The following MET variants were observed in gnomAD, a reference collection of about 807,000 sequenced individuals.
MET encodes hepatocyte growth factor receptor.
A neutral mutation model predicts 133.1 loss-of-function variants in MET; 48 were observed. The observed-to-expected ratio is 0.36, with a 90% CI of 0.29 to 0.46. The LOEUF is 0.46. Ranked by LOEUF, MET falls within the 20% of genes least tolerant of loss-of-function variation. The pLI is 1.00. For synonymous variants in MET, 628 were observed against 616.5 expected (o/e 1.02, Z -0.28); for missense variants, 1,442 against 1,695.9 (o/e 0.85, Z 2.63).
rs531681160 is a variant in MET at position 116,793,646 on chromosome 7, C to T, written c.3799-2009C>T. 1.4e-3 allele frequency among the ~76,000 whole-genome samples: 215 copies of T among 152,050 alleles called. 2 individuals carry two copies. The highest frequency in any genetic ancestry group is 4.9e-3 in the African/African-American group (205 of 41,486). ...AGGCGCCGTGGCTCATGCCTGTAAT[C>T]CCAGCACTTTGGGAGGCCAAGGAGG... On this transcript the variant is annotated intron_variant, in intron 19 of 20. Coordinates refer to ENST00000397752, the MANE Select transcript of MET (RefSeq NM_000245.4).
intron 1 of MET, among the ~76,000 whole-genome samples, chr7:116,676,187 A>G (rs796941186): frequency 6.6e-5 from 10 of 152,352 alleles, no homozygotes; most frequent in African/African-American, 2.4e-4. Context: ...GTGTGCAAGT[A>G]TGTTTATGTA....
intron 2 of MET, among the ~76,000 whole-genome samples, chr7:116,705,154 T>C (rs943260373): frequency 9.2e-5 from 14 of 152,114 alleles, no homozygotes; most frequent in African/African-American, 3.1e-4. Context: ...GATGTTTCTT[T>C]ATTATGATTA....
chr7:116,699,754 G>T lies in MET; in HGVS notation c.670G>T (p.Asp224Tyr), dbSNP rs765257726. The change falls in exon 2 of 21, where the codon GAT becomes TAT. Residue 224 changes from aspartate to tyrosine, a missense_variant. Physicochemically the swap from Asp to Tyr is radical, Grantham distance 160 (BLOSUM62 -3). Coordinates refer to ENST00000397752, the MANE Select transcript of MET (RefSeq NM_000245.4). ...AGTGAGAAGGCTAAAGGAAACGAAA[G>T]ATGGTTTTATGTTTTTGACGGACCA... ...ISVRRLKETK[D>Y]GFMFLTDQSY... 1.9e-6 allele frequency: 3 copies of T among 1,613,990 alleles called. No individual in the cohort carries two copies. In the East Asian group the frequency reaches 6.7e-5, roughly 36 times the overall value.
intron 5 of MET, among the ~76,000 whole-genome samples, chr7:116,754,985 A>AAAGAAAGAAAGAAAGG (rs1794106066): frequency 2.2e-5 from 3 of 134,598 alleles, no homozygotes; most frequent in South Asian, 5.0e-4. Flanking sequence ...CAGAGAAAGG[A>AAAGAAAGAAAGAAAGG]AAGAAAGAAA....
chr7:116,764,591 C>A (rs1001791621), intron 11 of MET, among the ~76,000 whole-genome samples: 3 of 151,806 alleles, frequency 2.0e-5, no homozygotes, highest in African/African-American at 4.8e-5. Flanking sequence ...TCTACCCTTC[C>A]AAGCACAGTC....
chr7:116,715,842 A>T (rs1041597488), intron 2 of MET, among the ~76,000 whole-genome samples: 1 of 152,230 alleles, frequency 6.6e-6, no homozygotes, highest in African/African-American at 2.4e-5. Flanking sequence ...GAAGGTATTT[A>T]GGGAGCATTA....
intron 2 of MET, among the ~76,000 whole-genome samples, chr7:116,713,447 C>T (rs1792080014): frequency 6.6e-6 from 1 of 151,940 alleles, no homozygotes; most frequent in Non-Finnish European, 1.5e-5. Flanking sequence ...TTATCAACAC[C>T]ATCCTTCCTG....
rs1794850590 is a variant in MET, at chr7:116,771,965, G to C, written c.3004G>C (p.Asp1002His). 1 of 1,613,824 alleles carries C rather than the reference G, an allele frequency of 6.2e-7. No homozygotes were observed. The highest frequency in any genetic ancestry group is 8.5e-7 in the Non-Finnish European group (1 of 1,179,800). Reference protein sequence around the residue: ...TTEMVSNESVDYRATFPEDQF... With the variant: ...TTEMVSNESVHYRATFPEDQF... ...AGAAATGGTTTCAAATGAATCTGTA[G>C]ACTACCGAGCTACTTTTCCAGAAGG... Residue 1002 changes from aspartate to histidine, a missense_variant, in exon 14 of 21, where the codon GAC becomes CAC. Physicochemically the swap from Asp to His is moderately conservative, Grantham distance 81 (BLOSUM62 -1). Coordinates refer to ENST00000397752, the MANE Select transcript of MET (RefSeq NM_000245.4).
intron 15 of MET, among the ~76,000 whole-genome samples, chr7:116,776,455 A>AT (rs1441437317): frequency 2.0e-5 from 3 of 152,176 alleles, no homozygotes; most frequent in Non-Finnish European, 1.5e-5. Context: ...GAAAACTAGA[A>AT]TTTTTTATCA....
rs1166652916 is a variant in MET at position 116,783,393 on chromosome 7, C to T, written c.3722C>T (p.Thr1241Ile). ...DKEYYSVHNK[T>I]GAKLPVKWMA... ...GAATACTATAGTGTACACAACAAAA[C>T]AGGTGCAAAGCTGCCAGTGAAGTGG... The change falls in exon 19 of 21, where the codon ACA becomes ATA. Residue 1241 changes from threonine (T) to isoleucine (I), a missense_variant. Physicochemically the swap from Thr to Ile is moderately conservative, Grantham distance 89 (BLOSUM62 -1). This residue lies in a region of MET where 38 missense variants were observed against 40.6 expected (regional missense o/e 0.94). Coordinates refer to ENST00000397752, the MANE Select transcript of MET (RefSeq NM_000245.4). The T allele has an allele frequency of 6.2e-7, 1 of 1,614,140 alleles. No individual in the cohort carries two copies. Among genetic ancestry groups the T allele is most frequent in the Admixed American group, 1.7e-5 (1 of 60,022 alleles).
Position 116,723,243 on chromosome 7 carries a change from T to C in MET, c.1201-8425T>C, listed in dbSNP as rs1329584745. 1.7e-3 allele frequency among the ~76,000 whole-genome samples: 241 copies of C among 145,922 alleles called. 3 individuals carry two copies. The highest frequency in any genetic ancestry group is 5.9e-3 in the African/African-American group (230 of 39,182). On this transcript the variant is annotated intron_variant, in intron 2 of 20. Coordinates refer to ENST00000397752, the MANE Select transcript of MET (RefSeq NM_000245.4). Reference sequence around the variant, plus strand: ...TCATTTCATTCATTTCATCTTCCATTGCTGATACCCTTTCTTCCAGTTGAT... The same window carrying C: ...TCATTTCATTCATTTCATCTTCCATCGCTGATACCCTTTCTTCCAGTTGAT...
intron 5 of MET, among the ~76,000 whole-genome samples, chr7:116,750,260 G>T (rs1378772766): frequency 6.6e-6 from 1 of 152,016 alleles, no homozygotes; most frequent in African/African-American, 2.4e-5. Context: ...CAGAACAGAG[G>T]CCTCAGAAAT....
intron 2 of MET, among the ~76,000 whole-genome samples, chr7:116,726,695 A>G (rs1202519074): frequency 6.6e-6 from 1 of 152,200 alleles, no homozygotes; most frequent in African/African-American, 2.4e-5. Flanking sequence ...GATGTCCTAG[A>G]TTGTCACCTT....
intron 2 of MET, among the ~76,000 whole-genome samples, chr7:116,715,802 G>C (rs1005619742): frequency 6.6e-6 from 1 of 152,204 alleles, no homozygotes; most frequent in African/African-American, 2.4e-5. Flanking sequence ...TTCTCTGCTA[G>C]GTTAGCATGG....
At position 116,731,801 on chromosome 7, in the gene MET, T is replaced by C; in HGVS notation, c.1334T>C (p.Phe445Ser). Reference sequence around the variant, plus strand: ...GTCCTCTTAACATCTATATCCACCTTCATTAAAGGAGACCTCACCATAGCT... The same window carrying C: ...GTCCTCTTAACATCTATATCCACCTCCATTAAAGGAGACCTCACCATAGCT... ...SEVLLTSISTFIKGDLTIANL... is the reference protein window; with the variant it reads ...SEVLLTSISTSIKGDLTIANL... Residue 445 changes from phenylalanine to serine, a missense_variant, in exon 3 of 21, where the codon TTC becomes TCC. Transcript: ENST00000397752. The C allele has an allele frequency of 6.2e-7, 1 of 1,614,132 alleles. No homozygotes were observed. Among genetic ancestry groups the C allele is most frequent in the South Asian group, 1.1e-5 (1 of 91,076 alleles).
intron 19 of MET, among the ~76,000 whole-genome samples, chr7:116,788,353 A>G (rs916143248): frequency 1.3e-5 from 2 of 152,234 alleles, no homozygotes; most frequent in Non-Finnish European, 2.9e-5. Flanking sequence ...TTTATGATCT[A>G]TAAATTATAC....
At chr7:116,772,667 A>C (rs1019956621) in intron 14 of MET, among the ~76,000 whole-genome samples, 3 of 152,216 alleles carry the variant, frequency 2.0e-5, no homozygotes, top group Non-Finnish European at 2.9e-5. Flanking sequence ...ACAGGATGTG[A>C]GTCAAGTACA....
intron 11 of MET, among the ~76,000 whole-genome samples, chr7:116,766,944 G>A (rs1278161224): frequency 6.6e-6 from 1 of 152,154 alleles, no homozygotes; most frequent in African/African-American, 2.4e-5. Flanking sequence ...GTGGAACTCA[G>A]TTCTGAAGCT....
chr7:116,769,723 C>T lies in MET; in HGVS notation c.2662C>T (p.His888Tyr), dbSNP rs115574135. ...TAAGAGCTGTGAGAATATACACTTA[C>T]ATTCTGAAGCCGTTTTATGCACGGT... ...GNKSCENIHL[H>Y]SEAVLCTVPN... Residue 888 changes from histidine (H) to tyrosine (Y), a missense_variant, in exon 12 of 21, where the codon CAT (histidine) becomes TAT (tyrosine). Physicochemically the swap from His to Tyr is moderately conservative, Grantham distance 83 (BLOSUM62 2). Coordinates refer to ENST00000397752, the MANE Select transcript of MET (RefSeq NM_000245.4). 2.9e-4 allele frequency: 465 copies of T among 1,612,872 alleles called. No homozygotes were observed. In the African/African-American group the frequency reaches 5.7e-3, roughly 20 times the overall value.
Sources: allele counts gnomAD v4.1 joint callset (sites outside exome capture counted in the v4.1 genomes callset), GRCh38; gene constraint gnomAD v4.1.1; regional missense constraint gnomAD v4.1.1; transcripts MANE v1.5; gene names NCBI Gene and HGNC (gene_info 2026-07-23, HGNC 2026-07-21).